PDE1A: variants seen among roughly 807,000 people sequenced by gnomAD.
The protein encoded by PDE1A is dual specificity calcium/calmodulin-dependent 3',5'-cyclic nucleotide phosphodiesterase 1A.
Under a neutral mutation model 61.7 loss-of-function variants are expected in PDE1A, and 35 were observed. That is an observed-to-expected ratio of 0.57 (90% CI 0.43 to 0.75). The LOEUF is 0.75. Ranked by LOEUF, PDE1A falls within the 30% of genes least tolerant of loss-of-function variation. The pLI is 0.00. For missense variants in PDE1A, 597 were observed against 630.6 expected (o/e 0.95, Z 0.57); for synonymous variants, 232 against 213.2 (o/e 1.09, Z -0.77).
At chr2:182,460,816 A>T (rs191882145) in intron 2 of PDE1A, among the ~76,000 whole-genome samples, 13 of 152,316 alleles carry the variant, frequency 8.5e-5, no homozygotes, top group Non-Finnish European at 1.3e-4. Context: ...TCATTTTATT[A>T]GGTTGGTGCA....
intron 1 of PDE1A, among the ~76,000 whole-genome samples, chr2:182,336,597 G>A (rs887636928): frequency 3.9e-5 from 6 of 152,102 alleles, no homozygotes; most frequent in East Asian, 1.9e-4. Flanking sequence ...GGAGAGGAAC[G>A]TCACACACCA....
chr2:182,491,769 T>C (rs184019873), intron 2 of PDE1A, among the ~76,000 whole-genome samples: 1,808 of 152,320 alleles, frequency 0.012, 37 homozygotes, highest in African/African-American at 0.041. Context: ...TCTCATACTT[T>C]TTCCTTGACT....
intron 1 of PDE1A, among the ~76,000 whole-genome samples, chr2:182,311,610 A>G (rs930802868): frequency 5.3e-5 from 8 of 152,180 alleles, no homozygotes; most frequent in African/African-American, 1.9e-4. Flanking sequence ...TTCCCTGAGT[A>G]TAATGCTTTT....
the PDE1A span, among the ~76,000 whole-genome samples, chr2:182,553,493 G>A: frequency 6.6e-6 from 1 of 152,202 alleles, no homozygotes. Flanking sequence ...GTCTCCCAAA[G>A]TGCTGGGATT....
chr2:182,538,086 T>C, the PDE1A span, among the ~76,000 whole-genome samples: 2 of 152,176 alleles, frequency 1.3e-5, no homozygotes, highest in African/African-American at 4.8e-5. Context: ...TACAAAACTC[T>C]TTCCGGAGTT....
the PDE1A span, among the ~76,000 whole-genome samples, chr2:182,600,016 ACTC>A: frequency 2.6e-5 from 4 of 152,142 alleles, no homozygotes; most frequent in East Asian, 7.7e-4. Flanking sequence ...GCACAATCCT[ACTC>A]TACTCCCAGG....
chr2:182,647,054 G>A, the PDE1A span, among the ~76,000 whole-genome samples: 1 of 152,176 alleles, frequency 6.6e-6, no homozygotes, highest in Non-Finnish European at 1.5e-5. Flanking sequence ...TTAAGAATTT[G>A]TTGGGAGTTT....
chr2:182,365,807 A>G (rs917634666), intron 1 of PDE1A, among the ~76,000 whole-genome samples: 1 of 152,016 alleles, frequency 6.6e-6, no homozygotes, highest in Non-Finnish European at 1.5e-5. Context: ...TCTATCCCTC[A>G]TGTTGTATTG....
chr2:182,352,879 A>T (rs1698969728), intron 1 of PDE1A, among the ~76,000 whole-genome samples: 1 of 152,228 alleles, frequency 6.6e-6, no homozygotes, highest in South Asian at 2.1e-4. Flanking sequence ...CTAAACTGAG[A>T]ACTTGAAAAT....
At chr2:182,603,454 C>G in the PDE1A span, among the ~76,000 whole-genome samples, 1 of 152,214 alleles carries the variant, frequency 6.6e-6, no homozygotes, top group Non-Finnish European at 1.5e-5. Context: ...TCAAGCAATT[C>G]TCCCTGCCTC....
rs778164160 is a variant in PDE1A, at chr2:182,496,575, C to T, written c.101+25701G>A. Among the ~76,000 whole-genome samples, 258 of 152,292 alleles carry T rather than the reference C, an allele frequency of 1.7e-3. 5 individuals carry two copies. Among genetic ancestry groups the T allele is most frequent in the Middle Eastern group, 6.8e-3 (2 of 294 alleles). On this transcript the variant is annotated intron_variant, in intron 2 of 14. Coordinates refer to the PDE1A transcript ENST00000410103. Reference sequence around the variant, plus strand: ...TGGGCCATTTTAGCTAGGCTTCTAACGTGAATTAGGTACTGCCAATTGAAA... The same window carrying T: ...TGGGCCATTTTAGCTAGGCTTCTAATGTGAATTAGGTACTGCCAATTGAAA...
intron 2 of PDE1A, among the ~76,000 whole-genome samples, chr2:182,449,258 T>A (rs1685350962): frequency 4.5e-5 from 6 of 132,140 alleles, no homozygotes; most frequent in Admixed American, 7.8e-5. Context: ...GAAAAGCAAA[T>A]GAAAACATAA....
At chr2:182,222,626 A>G (rs934618164) in intron 7 of PDE1A, among the ~76,000 whole-genome samples, 2 of 152,024 alleles carry the variant, frequency 1.3e-5, no homozygotes, top group African/African-American at 4.8e-5. Flanking sequence ...AATAACAACG[A>G]AACTTTAAGG....
upstream of PDE1A, among the ~76,000 whole-genome samples, chr2:182,429,176 A>C (rs982158465): frequency 5.3e-5 from 8 of 152,134 alleles, no homozygotes; most frequent in African/African-American, 1.7e-4. Context: ...AGTAAATTAA[A>C]TATTCACTGG....
At chr2:182,577,272 T>C in the PDE1A span, among the ~76,000 whole-genome samples, 1 of 152,230 alleles carries the variant, frequency 6.6e-6, no homozygotes, top group Non-Finnish European at 1.5e-5. Flanking sequence ...GACATCTCTA[T>C]AAGCCATGCT....
Position 182,514,019 on chromosome 2 carries a change from T to C in PDE1A, c.101+8257A>G, listed in dbSNP as rs186990474. On this transcript the variant is annotated intron_variant, in intron 2 of 14. Transcript: ENST00000410103. ...TGTAAGACTGCAACACCCCACAGCA[T>C]TTCTATACACCAGTAACATCCAAGC... Among the ~76,000 whole-genome samples, 201 of 152,208 alleles carry C rather than the reference T, an allele frequency of 1.3e-3. 1 individual carries two copies. The highest frequency in any genetic ancestry group is 4.5e-3 in the African/African-American group (186 of 41,534).
At chr2:182,212,243 C>CTA (rs74547026) in intron 7 of PDE1A, among the ~76,000 whole-genome samples, 21 of 149,778 alleles carry the variant, frequency 1.4e-4, no homozygotes, top group East Asian at 7.8e-4. Context: ...ATATATCTTT[C>CTA]TATATATATA....
chr2:182,346,568 A>G (rs1255494755), intron 1 of PDE1A, among the ~76,000 whole-genome samples: 1 of 151,956 alleles, frequency 6.6e-6, no homozygotes, highest in East Asian at 1.9e-4. Context: ...TAATGGTACA[A>G]TGTTCTAAAG....
intron 2 of PDE1A, among the ~76,000 whole-genome samples, chr2:182,480,502 G>T (rs572607451): frequency 1.3e-5 from 2 of 152,006 alleles, no homozygotes; most frequent in South Asian, 4.2e-4. Flanking sequence ...ACCAACTGTG[G>T]ATGGAAAATA....
Sources: gnomAD v4.1 joint callset for allele counts (sites outside exome capture counted in the v4.1 genomes callset) on GRCh38, gnomAD v4.1.1 for gene constraint, MANE v1.5 for transcripts, NCBI Gene and HGNC (gene_info 2026-07-23, HGNC 2026-07-21) for gene names.